The following USP34 variants were observed in gnomAD, a reference collection of about 807,000 sequenced individuals.
USP34 encodes ubiquitin specific peptidase 34.
USP34 carries 70 observed loss-of-function variants against 460.3 expected under a neutral mutation model. The observed-to-expected ratio is 0.15, with a 90% CI of 0.13 to 0.19. The LOEUF is 0.19. Among genes scored for constraint, USP34 ranks in the 10% least tolerant of loss-of-function variants. The probability of loss-of-function intolerance (pLI) is 1.00; values close to 1 mark genes in which losing one functional copy is unlikely to be tolerated. For synonymous variants in USP34, 1,647 were observed against 1,405.3 expected, an observed-to-expected ratio of 1.17 and a Z score of -3.85; for missense variants, 3,985 against 4,236.2, an observed-to-expected ratio of 0.94 and a Z score of 1.65.
chr2:61,436,857 A>G (rs1694827930), intron 1 of USP34, among the ~76,000 whole-genome samples: 1 of 152,236 alleles, frequency 6.6e-6, no homozygotes, highest in Admixed American at 6.5e-5. Context: ...TCAGACCACA[A>G]TGGAATAAAA....
At chr2:61,441,130 A>G (rs1309609940) in intron 1 of USP34, among the ~76,000 whole-genome samples, 1 of 151,376 alleles carries the variant, frequency 6.6e-6, no homozygotes, top group Non-Finnish European at 1.5e-5. Flanking sequence ...CCGCCTCAAA[A>G]AAAAAAAAAA....
At position 61,380,265 on chromosome 2, in the gene USP34, T is replaced by C. The variant is rs989282316; in HGVS notation, c.918A>G (p.Thr306=). 6.8e-6 allele frequency: 11 copies of C among 1,614,070 alleles called. No individual in the cohort carries two copies. In the Admixed American group the frequency reaches 1.0e-4, roughly 15 times the overall value. ...GGCTTTCTTTATCAAAGCATAATGT[T>C]GTATCCAATGGTTCTTTGACTGTGC... ...MWSTVKEPLD[T]TLCFDKESLD... The change falls in exon 7 of 80, where the codon ACA becomes ACG. Residue 306 remains threonine (T), a synonymous_variant. Coordinates refer to ENST00000398571, the MANE Select transcript of USP34 (RefSeq NM_014709.4).
chr2:61,257,655 T>C (rs1249211113), intron 44 of USP34, among the ~76,000 whole-genome samples: 1 of 152,162 alleles, frequency 6.6e-6, no homozygotes, highest in Admixed American at 6.5e-5. Flanking sequence ...CCCCAGCACT[T>C]TGGGAGGCCG....
chr2:61,397,514 C>T (rs972072820), intron 3 of USP34, among the ~76,000 whole-genome samples: 2 of 152,030 alleles, frequency 1.3e-5, no homozygotes, highest in Non-Finnish European at 2.9e-5. Context: ...ACTTAGAATC[C>T]CAGCACTTTG....
intron 44 of USP34, 31 bp from the exon 45 acceptor site, chr2:61,257,381 T>C: frequency 6.5e-7 from 1 of 1,528,628 alleles, no homozygotes; most frequent in East Asian, 2.3e-5. Context: ...ATTCTAAGTG[T>C]CAGATAAAAA....
intron 1 of USP34, among the ~76,000 whole-genome samples, chr2:61,432,862 G>C (rs906553854): frequency 2.6e-5 from 4 of 151,926 alleles, no homozygotes; most frequent in African/African-American, 9.7e-5. Context: ...ACAATGACCA[G>C]AGAACCAAAA....
At chr2:61,409,491 A>G (rs1317931361) in intron 2 of USP34, among the ~76,000 whole-genome samples, 1 of 152,162 alleles carries the variant, frequency 6.6e-6, no homozygotes, top group Non-Finnish European at 1.5e-5. Context: ...AGGCAGGTGG[A>G]TCACTTGAGG....
At chr2:61,355,610 AAAC>A (rs140976123) in intron 10 of USP34, among the ~76,000 whole-genome samples, 3,179 of 151,830 alleles carry the variant, frequency 0.021, 101 homozygotes, top group African/African-American at 0.067. Flanking sequence ...TTCACTACAA[AAAC>A]AACAACAACA....
chr2:61,284,498 T>C (rs1210041264), intron 35 of USP34, among the ~76,000 whole-genome samples: 1 of 152,158 alleles, frequency 6.6e-6, no homozygotes, highest in Non-Finnish European at 1.5e-5. Context: ...ATAGGATTAT[T>C]TTAATATGAA....
At chr2:61,383,644 C>CG (rs1026409080) in intron 5 of USP34, among the ~76,000 whole-genome samples, 57 of 151,486 alleles carry the variant, frequency 3.8e-4, no homozygotes, top group African/African-American at 1.2e-3. Context: ...CCGGGGGGGG[C>CG]GGGGGGAAGA....
intron 1 of USP34, among the ~76,000 whole-genome samples, chr2:61,449,203 G>A (rs1470796462): frequency 6.6e-6 from 1 of 150,474 alleles, no homozygotes; most frequent in East Asian, 1.9e-4. Context: ...AACCTGGAAG[G>A]CAGAAGTCAT....
intron 65 of USP34, among the ~76,000 whole-genome samples, chr2:61,222,403 A>G (rs1332278587): frequency 6.6e-6 from 1 of 152,160 alleles, no homozygotes; most frequent in Admixed American, 6.6e-5. Flanking sequence ...TGATACAATG[A>G]GTCTATACAC....
chr2:61,315,563 C>T (rs758495882), intron 23 of USP34, among the ~76,000 whole-genome samples: 20 of 151,948 alleles, frequency 1.3e-4, no homozygotes, highest in Non-Finnish European at 2.8e-4. Flanking sequence ...TTAGTAGAGA[C>T]AGGGTTTCAC....
intron 3 of USP34, among the ~76,000 whole-genome samples, chr2:61,401,848 G>T (rs369495548): frequency 6.7e-6 from 1 of 149,840 alleles, no homozygotes; most frequent in African/African-American, 2.5e-5. Context: ...ATGAGCCACC[G>T]CGCCCGGCCC....
intron 41 of USP34, chr2:61,277,612 A>G (rs947533781): frequency 6.6e-6 from 1 of 152,390 alleles, no homozygotes; most frequent in African/African-American, 2.4e-5. Flanking sequence ...AGCCCGTTTT[A>G]TATTTCCAGA....
chr2:61,383,187 T>G, intron 6 of USP34, 82 bp downstream of exon 6: 10 of 1,068,700 alleles, frequency 9.4e-6, no homozygotes, highest in Non-Finnish European at 1.3e-5. Context: ...ATAGGGGACT[T>G]TCAAACAATA....
At chr2:61,393,152 C>T (rs1432632745) in intron 5 of USP34, among the ~76,000 whole-genome samples, 2 of 152,140 alleles carry the variant, frequency 1.3e-5, no homozygotes, top group Non-Finnish European at 2.9e-5. Context: ...AGGCTCAGAT[C>T]ACGCAAAGTG....
chr2:61,368,044 G>A (rs1297058599), intron 10 of USP34, among the ~76,000 whole-genome samples: 1 of 152,192 alleles, frequency 6.6e-6, no homozygotes, highest in African/African-American at 2.4e-5. Flanking sequence ...CAACCGGAAA[G>A]TAAATATTTT....
At chr2:61,454,078 G>C (rs1695361770) in intron 1 of USP34, among the ~76,000 whole-genome samples, 1 of 152,132 alleles carries the variant, frequency 6.6e-6, no homozygotes, top group African/African-American at 2.4e-5. Flanking sequence ...CACAAGGTTT[G>C]TATTTCTTCA....
Sources: gnomAD v4.1 joint callset for allele counts (sites outside exome capture counted in the v4.1 genomes callset) on GRCh38, gnomAD v4.1.1 for gene constraint, MANE v1.5 for transcripts, NCBI Gene and HGNC (gene_info 2026-07-23, HGNC 2026-07-21) for gene names.